The following RNF220 variants were observed in gnomAD, a reference collection of about 807,000 sequenced individuals.
RNF220 encodes ring finger protein 220.
A neutral mutation model predicts 67.1 loss-of-function variants in RNF220; 7 were observed. The observed-to-expected ratio is 0.10, with a 90% CI of 0.06 to 0.20. RNF220 has a LOEUF of 0.20. RNF220 is among the 10% of genes least tolerant of loss of function. The pLI, the probability that RNF220 is intolerant of heterozygous loss-of-function variation, is 1.00. For missense variants in RNF220, 565 were observed against 740.3 expected (o/e 0.76, Z 2.75); for synonymous variants, 270 against 283.2 (o/e 0.95, Z 0.47).
rs149059215 is a variant in RNF220 at position 44,453,441 on chromosome 1, G to T, written c.625+40719G>T. On this transcript the variant is annotated intron_variant, in intron 2 of 14. Transcript: ENST00000361799. ...ATTAAATAAATTTTCTTCTATTACT[G>T]GTTTTGCGAGAGTTTTACATTTTTT... 1.4e-3 allele frequency among the ~76,000 whole-genome samples: 208 copies of T among 151,970 alleles called. 1 individual carries two copies. The highest frequency in any genetic ancestry group is 2.2e-3 in the Admixed American group (34 of 15,268).
chr1:44,615,493 T>G (rs1408725967), intron 3 of RNF220, among the ~76,000 whole-genome samples: 1 of 152,220 alleles, frequency 6.6e-6, no homozygotes, highest in East Asian at 1.9e-4. Context: ...GTCCGACCCT[T>G]ATTCAGTTCA....
rs146488419 is a variant in RNF220, at chr1:44,483,689, A to G, written c.625+70967A>G. The stretch of plus-strand genomic sequence containing the variant: ...GGAGCTATGAGAACATAGCGGTGGC[A>G]GGCTAGATAAGGGGTCAGATCAGAG... On this transcript the variant is annotated intron_variant, in intron 2 of 14. Transcript: ENST00000361799. Among the ~76,000 whole-genome samples the G allele has an allele frequency of 4.0e-3, 611 of 152,312 alleles. 5 individuals are homozygous for G. Among genetic ancestry groups the G allele is most frequent in the African/African-American group, 0.014 (592 of 41,566 alleles).
At chr1:44,610,912 A>G (rs951647111) in intron 2 of RNF220, among the ~76,000 whole-genome samples, 1 of 152,128 alleles carries the variant, frequency 6.6e-6, no homozygotes, top group Non-Finnish European at 1.5e-5. Context: ...AGCGGTTTTT[A>G]TGGCCCGTTT....
At chr1:44,608,098 A>AT (rs1437375247) in intron 2 of RNF220, among the ~76,000 whole-genome samples, 5 of 151,384 alleles carry the variant, frequency 3.3e-5, no homozygotes, top group Admixed American at 6.6e-5. Flanking sequence ...TAATTTTTTA[A>AT]TTTTTTTGTA....
intron 2 of RNF220, among the ~76,000 whole-genome samples, chr1:44,486,724 C>T (rs1030669606): frequency 6.6e-6 from 1 of 152,162 alleles, no homozygotes; most frequent in African/African-American, 2.4e-5. Context: ...AGCTTCATGG[C>T]TAAGAGTGGG....
chr1:44,609,170 GTGTGTACACA>G (rs1253950330), intron 2 of RNF220, among the ~76,000 whole-genome samples: 3 of 152,048 alleles, frequency 2.0e-5, no homozygotes, highest in African/African-American at 4.8e-5. Flanking sequence ...TAGGACACAC[GTGTGTACACA>G]TGAACACACA....
intron 2 of RNF220, among the ~76,000 whole-genome samples, chr1:44,450,010 G>A (rs11211002): frequency 0.53 from 80,736 of 151,916 alleles, 22,660 homozygotes; most frequent in Admixed American, 0.64. Flanking sequence ...TTGGGAGTTC[G>A]AGACCAGCCT....
intron 2 of RNF220, among the ~76,000 whole-genome samples, chr1:44,497,684 T>C (rs1657460538): frequency 6.6e-6 from 1 of 152,126 alleles, no homozygotes; most frequent in African/African-American, 2.4e-5. Flanking sequence ...TATGTGATCA[T>C]CCCCATCCCT....
intron 2 of RNF220, among the ~76,000 whole-genome samples, chr1:44,605,521 G>C (rs1667213611): frequency 6.6e-6 from 1 of 152,140 alleles, no homozygotes; most frequent in Non-Finnish European, 1.5e-5. Context: ...TTTGGGCTAT[G>C]CATTCTGCTA....
chr1:44,470,760 T>C (rs1390379652), intron 2 of RNF220, among the ~76,000 whole-genome samples: 1 of 152,226 alleles, frequency 6.6e-6, no homozygotes, highest in African/African-American at 2.4e-5. Context: ...CTTCTGTCCT[T>C]TTGGCTCTCT....
intron 2 of RNF220, among the ~76,000 whole-genome samples, chr1:44,551,833 A>T (rs1302411233): frequency 6.6e-6 from 1 of 152,164 alleles, no homozygotes; most frequent in East Asian, 1.9e-4. Flanking sequence ...CTGCTCCCCA[A>T]CTTGCCTGCT....
At chr1:44,566,132 A>G (rs1553247150) in intron 2 of RNF220, among the ~76,000 whole-genome samples, 1 of 151,912 alleles carries the variant, frequency 6.6e-6, no homozygotes, top group Non-Finnish European at 1.5e-5. Flanking sequence ...GCCCTTCCCC[A>G]GGGGCAGGGA....
chr1:44,645,375 T>C lies in RNF220; in HGVS notation c.1367-35T>C. The stretch of plus-strand genomic sequence containing the variant: ...AACCCCTCACCTGTGCTGCCCAGTC[T>C]GGCCGGAGTGTGAGTTGCCCCTCTG... On this transcript the variant is annotated intron_variant, in intron 11 of 14. Coordinates refer to ENST00000361799, the MANE Select transcript of RNF220 (RefSeq NM_018150.4). The surrounding 1 kb of genome is among the most constrained non-coding windows in gnomAD (Gnocchi z 5.0). The C allele has an allele frequency of 6.2e-7, 1 of 1,613,968 alleles. No homozygotes were observed. The highest frequency in any genetic ancestry group is 8.5e-7 in the Non-Finnish European group (1 of 1,179,860).
chr1:44,481,223 G>A (rs1204465239), intron 2 of RNF220, among the ~76,000 whole-genome samples: 2 of 152,076 alleles, frequency 1.3e-5, no homozygotes, highest in African/African-American at 4.8e-5. Flanking sequence ...GGGAGTTCAA[G>A]ACCAGGTTGG....
intron 2 of RNF220, among the ~76,000 whole-genome samples, chr1:44,445,094 T>G (rs2147910381): frequency 6.6e-6 from 1 of 152,344 alleles, no homozygotes; most frequent in Non-Finnish European, 1.5e-5. Context: ...TTTGTCTACA[T>G]TCCCGTGGTT....
chr1:44,649,214 G>T lies in RNF220; in HGVS notation c.1446-447G>T, dbSNP rs558990042. On this transcript the variant is annotated intron_variant, in intron 12 of 14. Coordinates refer to ENST00000361799, the MANE Select transcript of RNF220 (RefSeq NM_018150.4). This position sits in a 1 kb window ranked among gnomAD's most constrained non-coding sequence, Gnocchi z 5.9. Reference sequence around the variant, plus strand: ...TTGGAAGTCACACCACGAGAGATTTGCTTTGAGAACATAAATTCCTCTAGG... The same window carrying T: ...TTGGAAGTCACACCACGAGAGATTTTCTTTGAGAACATAAATTCCTCTAGG... 19 of 203,636 alleles carry T rather than the reference G, an allele frequency of 9.3e-5. No individual in the cohort carries two copies. The highest frequency in any genetic ancestry group is 4.2e-4 in the Admixed American group (8 of 18,840). The allele number at this position is 203,636 out of a possible 1,614,324, so 12.6% of individuals were successfully genotyped here.
intron 8 of RNF220, among the ~76,000 whole-genome samples, chr1:44,640,353 G>A (rs1644451676): frequency 6.6e-6 from 1 of 152,222 alleles, no homozygotes; most frequent in Admixed American, 6.5e-5. Flanking sequence ...GGAGAGGGTT[G>A]GGCTGCTGCC....
chr1:44,500,442 T>C (rs146572348), intron 2 of RNF220, among the ~76,000 whole-genome samples: 10 of 152,326 alleles, frequency 6.6e-5, no homozygotes, highest in African/African-American at 2.4e-4. Context: ...TGGCTCCTTG[T>C]CTTGCTCTCT....
At chr1:44,500,323 C>CT (rs952680983) in intron 2 of RNF220, among the ~76,000 whole-genome samples, 4 of 152,198 alleles carry the variant, frequency 2.6e-5, no homozygotes, top group Non-Finnish European at 5.9e-5. Flanking sequence ...CTGGAAGTCT[C>CT]TTTTCTCAGA....
Sources: gnomAD v4.1 joint callset for allele counts (sites outside exome capture counted in the v4.1 genomes callset) on GRCh38, gnomAD v4.1.1 for gene constraint, Gnocchi (gnomAD v3.1) non-coding constraint, MANE v1.5 for transcripts, NCBI Gene and HGNC (gene_info 2026-07-23, HGNC 2026-07-21) for gene names.